Variants in TBC1D32 observed in about 807,000 individuals in gnomAD.
TBC1D32 encodes the protein TBC1 domain family member 32, also known as protein broad-minded.
Under a neutral mutation model 170.3 loss-of-function variants are expected in TBC1D32, and 151 were observed. That is an observed-to-expected ratio of 0.89 (90% confidence interval 0.78 to 1.01). TBC1D32 has a LOEUF of 1.01. Ranked by LOEUF, TBC1D32 falls within the 50% of genes least tolerant of loss-of-function variation. The probability of loss-of-function intolerance (pLI) is 0.00; values close to 1 mark genes in which losing one functional copy is unlikely to be tolerated. For missense variants in TBC1D32, 1,464 were observed against 1,457.1 expected, an observed-to-expected ratio of 1.00 and a Z score of -0.08; for synonymous variants, 498 against 488.0, an observed-to-expected ratio of 1.02 and a Z score of -0.27.
At chr6:121,140,402 T>G (rs1782642429) in intron 24 of TBC1D32, among the ~76,000 whole-genome samples, 1 of 151,976 alleles carries the variant, frequency 6.6e-6, no homozygotes, top group Non-Finnish European at 1.5e-5. Flanking sequence ...TGATCTGTTT[T>G]CTCATAGAGG....
intron 21 of TBC1D32, among the ~76,000 whole-genome samples, chr6:121,212,450 C>CTTTTTTTTT (rs3076854): frequency 2.0e-5 from 2 of 102,090 alleles, no homozygotes; most frequent in Non-Finnish European, 4.2e-5. Flanking sequence ...GTCAATATCT[C>CTTTTTTTTT]TTTTTTTTTT....
chr6:121,326,770 G>T (rs867481811), intron 1 of TBC1D32, among the ~76,000 whole-genome samples: 4 of 143,594 alleles, frequency 2.8e-5, no homozygotes, highest in African/African-American at 5.1e-5. Context: ...ATCTTCTAGG[G>T]AAAAAAAAAA....
chr6:121,180,521 T>C (rs533596417), intron 22 of TBC1D32, among the ~76,000 whole-genome samples: 37 of 151,990 alleles, frequency 2.4e-4, no homozygotes, highest in Non-Finnish European at 5.0e-4. Context: ...TAATAAATGG[T>C]GCTGGGAAAA....
intron 11 of TBC1D32, among the ~76,000 whole-genome samples, chr6:121,293,560 G>A (rs1419790076): frequency 6.6e-6 from 1 of 152,202 alleles, no homozygotes; most frequent in Non-Finnish European, 1.5e-5. Context: ...ATGGCCAATT[G>A]TGTGATATAA....
intron 22 of TBC1D32, among the ~76,000 whole-genome samples, chr6:121,188,301 T>C (rs1357188000): frequency 6.6e-6 from 1 of 152,146 alleles, no homozygotes; most frequent in Non-Finnish European, 1.5e-5. Context: ...ATTACTAGCA[T>C]GTACTTTGAA....
chr6:121,111,980 G>A (rs1203296012), intron 29 of TBC1D32, among the ~76,000 whole-genome samples: 2 of 152,096 alleles, frequency 1.3e-5, no homozygotes, highest in Non-Finnish European at 2.9e-5. Flanking sequence ...TAAATTGATT[G>A]AAGGATATAC....
At chr6:121,223,564 C>A (rs1392769538) in intron 20 of TBC1D32, among the ~76,000 whole-genome samples, 1 of 152,086 alleles carries the variant, frequency 6.6e-6, no homozygotes, top group African/African-American at 2.4e-5. Flanking sequence ...GATGTAACAA[C>A]CATTACATAC....
At chr6:121,152,457 A>T (rs1367493702) in intron 24 of TBC1D32, among the ~76,000 whole-genome samples, 2 of 151,972 alleles carry the variant, frequency 1.3e-5, no homozygotes, top group East Asian at 3.9e-4. Flanking sequence ...AACCTTGGTG[A>T]TTCTGTCGAT....
chr6:121,204,598 G>A (rs1184504561), intron 22 of TBC1D32, among the ~76,000 whole-genome samples: 1 of 151,092 alleles, frequency 6.6e-6, no homozygotes, highest in Non-Finnish European at 1.5e-5. Context: ...ATTTGAACAT[G>A]GAAAATAAAA....
intron 22 of TBC1D32, among the ~76,000 whole-genome samples, chr6:121,190,938 G>C (rs771030589): frequency 6.7e-6 from 1 of 150,060 alleles, no homozygotes; most frequent in Non-Finnish European, 1.5e-5. Flanking sequence ...AATATATACA[G>C]GGAAGAAAAA....
At chr6:121,292,632 C>A (rs1805040047) in intron 11 of TBC1D32, among the ~76,000 whole-genome samples, 1 of 152,016 alleles carries the variant, frequency 6.6e-6, no homozygotes, top group South Asian at 2.1e-4. Context: ...AGACATCTCC[C>A]AATATGTATT....
chr6:121,268,669 C>T (rs1411246517), intron 15 of TBC1D32, among the ~76,000 whole-genome samples: 1 of 152,144 alleles, frequency 6.6e-6, no homozygotes, highest in Non-Finnish European at 1.5e-5. Flanking sequence ...AGAATGAAAC[C>T]AAGTTGGAAA....
chr6:121,328,351 T>C (rs1010324300), intron 1 of TBC1D32, among the ~76,000 whole-genome samples: 6 of 152,094 alleles, frequency 3.9e-5, no homozygotes, highest in Non-Finnish European at 2.9e-5. Flanking sequence ...AGTGACGCGA[T>C]CTCGGCTCTC....
intron 4 of TBC1D32, 23 bp from the exon 5 acceptor site, chr6:121,308,124 T>C (rs1440937327): frequency 2.5e-6 from 4 of 1,605,590 alleles, no homozygotes; most frequent in African/African-American, 2.7e-5. Flanking sequence ...TAAAAGACTT[T>C]TATTAACACT....
intron 24 of TBC1D32, among the ~76,000 whole-genome samples, chr6:121,147,583 A>ATATTTTTT (rs200189615): frequency 6.6e-6 from 1 of 151,514 alleles, no homozygotes; most frequent in Non-Finnish European, 1.5e-5. Flanking sequence ...AGCATTTTTA[A>ATATTTTTT]TATTTTTTTA....
Position 121,255,333 on chromosome 6 carries a change from T to C in TBC1D32, c.2013A>G (p.Gln671=), listed in dbSNP as rs772275345. Residue 671 remains glutamine (Q), a synonymous_variant, in exon 17 of 32, where the codon CAA becomes CAG. Transcript: ENST00000398212. ...CTTTCATCAATTGTACTTACATGTTTTGGGATTCCTGGCTTACTGAAGAAA... is the reference window on the plus strand; with the variant it reads ...CTTTCATCAATTGTACTTACATGTTCTGGGATTCCTGGCTTACTGAAGAAA... ...DSVSSVSQES[Q]NIMAWEDNLL... The C allele has an allele frequency of 1.3e-5, 20 of 1,561,292 alleles. No individual in the cohort carries two copies. Among genetic ancestry groups the C allele is most frequent in the Non-Finnish European group, 1.7e-5 (20 of 1,149,244 alleles).
chr6:121,280,141 T>C (rs1583542536), intron 14 of TBC1D32, among the ~76,000 whole-genome samples: 1 of 151,936 alleles, frequency 6.6e-6, no homozygotes, highest in African/African-American at 2.4e-5. Context: ...GTATATCACT[T>C]TTCCTATTAA....
intron 17 of TBC1D32, 49 bp downstream of exon 17, chr6:121,255,279 T>G (rs1207351685): frequency 8.5e-7 from 1 of 1,172,586 alleles, no homozygotes; most frequent in Admixed American, 2.3e-5. Flanking sequence ...AATTTTAAAT[T>G]TATTTCAGCA....
At chr6:121,126,520 AT>A in intron 25 of TBC1D32, 59 bp from the exon 26 acceptor site, 1 of 1,252,320 alleles carries the variant, frequency 8.0e-7, no homozygotes, top group Non-Finnish European at 1.2e-6. Flanking sequence ...GTGACAATGC[AT>A]CCTTAAATCA....
Sources: allele counts gnomAD v4.1 joint callset (sites outside exome capture counted in the v4.1 genomes callset), GRCh38; gene constraint gnomAD v4.1.1; transcripts MANE v1.5; gene names NCBI Gene and HGNC (gene_info 2026-07-23, HGNC 2026-07-21).